DCC: variants seen among roughly 807,000 people sequenced by gnomAD.
DCC encodes DCC netrin 1 receptor.
In DCC, 58 loss-of-function variants were observed where a neutral mutation model predicts 172.5. The observed-to-expected ratio is 0.34, with a 90% confidence interval of 0.27 to 0.42. DCC has a LOEUF of 0.42. Among genes scored for constraint, DCC ranks in the 10% least tolerant of loss-of-function variants. The pLI is 1.00. For synonymous variants in DCC, 709 were observed against 644.5 expected (o/e 1.10, Z -1.52); for missense variants, 1,740 against 1,791.0 (o/e 0.97, Z 0.51).
At chr18:53,199,929 A>G (rs1448252331) in intron 9 of DCC, among the ~76,000 whole-genome samples, 7 of 152,284 alleles carry the variant, frequency 4.6e-5, no homozygotes, top group Non-Finnish European at 7.4e-5. Context: ...TTTTACAACG[A>G]AAGAGTTGAA....
chr18:53,397,297 T>C lies in DCC; in HGVS notation c.2689-11T>C. On this transcript the variant is annotated splice_polypyrimidine_tract_variant and intron_variant, in intron 17 of 28. Transcript: ENST00000442544. ...TATTTTTTATCTCTTTGCTATTTCC[T>C]ACTTGTATAGTCAGAAGACACAACA... 1 of 1,612,342 alleles carries C rather than the reference T, an allele frequency of 6.2e-7. No homozygotes were observed.
In DCC at chr18:52,357,936, T is replaced by TA. The variant is rs59238295; in HGVS notation, c.91+17078dup. The stretch of plus-strand genomic sequence containing the variant: ...CTGGGCGACAGAGCGAGACTCTGTG[T>TA]AAAAAAAAAAAAAAAAAAAATCTGA... On this transcript the variant is annotated intron_variant, in intron 1 of 28. Transcript: ENST00000442544. 3.3e-3 allele frequency among the ~76,000 whole-genome samples: 410 copies of TA among 123,402 alleles called. 6 individuals are homozygous for TA. The highest frequency in any genetic ancestry group is 0.025 in the South Asian group (90 of 3,530). The allele number at this position is 123,402 out of a possible 152,430, so 81.0% of individuals were successfully genotyped here.
At chr18:52,486,110 G>T (rs200647058) in intron 1 of DCC, among the ~76,000 whole-genome samples, 3 of 151,998 alleles carry the variant, frequency 2.0e-5, no homozygotes, top group East Asian at 1.9e-4. Context: ...TTCTCCCACC[G>T]CAGCCTCCTG....
intron 12 of DCC, among the ~76,000 whole-genome samples, chr18:53,282,162 C>G (rs900563506): frequency 4.6e-5 from 7 of 152,010 alleles, no homozygotes; most frequent in African/African-American, 1.7e-4. Flanking sequence ...ATAGATTTTT[C>G]TTTTGTTGTT....
intron 21 of DCC, among the ~76,000 whole-genome samples, chr18:53,421,229 C>A (rs371749992): frequency 1.1e-4 from 16 of 152,130 alleles, no homozygotes; most frequent in Non-Finnish European, 2.2e-4. Flanking sequence ...GTATGAAAAT[C>A]GATATTCTTA....
intron 7 of DCC, among the ~76,000 whole-genome samples, chr18:53,118,719 G>T (rs545688453): frequency 4.0e-5 from 6 of 151,682 alleles, no homozygotes; most frequent in African/African-American, 1.5e-4. Flanking sequence ...CCCCACAATA[G>T]TTATGTAAAA....
intron 1 of DCC, among the ~76,000 whole-genome samples, chr18:52,417,388 C>A (rs1372852574): frequency 1.3e-5 from 2 of 151,940 alleles, no homozygotes; most frequent in African/African-American, 2.4e-5. Flanking sequence ...TTGTGGCATT[C>A]TCTGTATTTC....
intron 14 of DCC, among the ~76,000 whole-genome samples, chr18:53,324,371 G>A (rs539676257): frequency 5.4e-4 from 82 of 152,244 alleles, no homozygotes; most frequent in African/African-American, 1.9e-3. Flanking sequence ...TATTACCTTA[G>A]GTACTAGAGA....
At chr18:52,898,191 C>T (rs2039759512) in intron 2 of DCC, among the ~76,000 whole-genome samples, 1 of 152,168 alleles carries the variant, frequency 6.6e-6, no homozygotes, top group Admixed American at 6.5e-5. Flanking sequence ...GTTTCCAACC[C>T]CAAGGTCTGT....
At chr18:53,123,232 A>T (rs2043507300) in intron 7 of DCC, among the ~76,000 whole-genome samples, 1 of 152,082 alleles carries the variant, frequency 6.6e-6, no homozygotes, top group Admixed American at 6.6e-5. Flanking sequence ...TTTTCTAGGA[A>T]ATTGACATTT....
chr18:53,474,847 G>A (rs1343972293), intron 25 of DCC, among the ~76,000 whole-genome samples: 3 of 152,226 alleles, frequency 2.0e-5, no homozygotes, highest in Non-Finnish European at 2.9e-5. Context: ...TAGTTTGGTG[G>A]AGGACTCAGA....
chr18:53,310,056 A>G (rs1258250277), intron 13 of DCC, among the ~76,000 whole-genome samples: 1 of 151,098 alleles, frequency 6.6e-6, no homozygotes, highest in Non-Finnish European at 1.5e-5. Flanking sequence ...TTTTTTGAGT[A>G]GCTTTGGAAA....
chr18:52,370,670 C>T (rs1231445219), intron 1 of DCC, among the ~76,000 whole-genome samples: 1 of 152,056 alleles, frequency 6.6e-6, no homozygotes. Context: ...CACACATTTA[C>T]CTATGTAACA....
intron 1 of DCC, among the ~76,000 whole-genome samples, chr18:52,600,236 C>A (rs755011698): frequency 4.6e-5 from 7 of 152,172 alleles, no homozygotes; most frequent in Non-Finnish European, 8.8e-5. Context: ...TGATAACTAG[C>A]GTCCCCAGCT....
chr18:53,064,745 T>C (rs777914795), intron 6 of DCC, among the ~76,000 whole-genome samples: 34 of 152,174 alleles, frequency 2.2e-4, no homozygotes, highest in Admixed American at 1.3e-3. Flanking sequence ...ATTTTAACTT[T>C]TAAATGCCAC....
intron 5 of DCC, among the ~76,000 whole-genome samples, chr18:53,025,754 A>G (rs528075915): frequency 1.3e-5 from 2 of 150,832 alleles, no homozygotes; most frequent in East Asian, 3.9e-4. Context: ...TATAAGATTA[A>G]ATGGGCAGAG....
chr18:52,532,268 T>C (rs1028987549), intron 1 of DCC, among the ~76,000 whole-genome samples: 1 of 152,210 alleles, frequency 6.6e-6, no homozygotes, highest in African/African-American at 2.4e-5. Context: ...ACATTTTGCA[T>C]GTGATTAATG....
intron 15 of DCC, among the ~76,000 whole-genome samples, chr18:53,379,148 C>A (rs1907535589): frequency 6.6e-6 from 1 of 152,232 alleles, no homozygotes; most frequent in African/African-American, 2.4e-5. Flanking sequence ...GGCCTATATT[C>A]TGTGAATGTG....
chr18:52,401,141 A>G (rs777317561), intron 1 of DCC, among the ~76,000 whole-genome samples: 6 of 152,016 alleles, frequency 3.9e-5, no homozygotes, highest in Non-Finnish European at 7.4e-5. Context: ...ATGTAACTCA[A>G]TAGTGGATAA....
Sources: allele counts gnomAD v4.1 joint callset (sites outside exome capture counted in the v4.1 genomes callset), GRCh38; gene constraint gnomAD v4.1.1; transcripts MANE v1.5; gene names NCBI Gene and HGNC (gene_info 2026-07-23, HGNC 2026-07-21).